TSNARE1: variants seen among roughly 807,000 people sequenced by gnomAD.
TSNARE1 encodes the protein t-SNARE domain containing 1.
TSNARE1 carries 49 observed loss-of-function variants against 62.0 expected under a neutral mutation model. That is an observed-to-expected ratio of 0.79 (90% CI 0.63 to 1.00). The LOEUF (loss-of-function observed/expected upper bound fraction) is 1.00. Ranked by LOEUF, TSNARE1 falls within the 50% of genes least tolerant of loss-of-function variation. The probability of loss-of-function intolerance (pLI) is 0.00; values close to 1 mark genes in which losing one functional copy is unlikely to be tolerated. For synonymous variants in TSNARE1, 328 were observed against 294.4 expected, an observed-to-expected ratio of 1.11 and a Z score of -1.17; for missense variants, 755 against 700.1, an observed-to-expected ratio of 1.08 and a Z score of -0.88.
chr8:142,348,959 A>G (rs1041075870), intron 2 of TSNARE1, among the ~76,000 whole-genome samples: 2 of 152,178 alleles, frequency 1.3e-5, no homozygotes, highest in African/African-American at 4.8e-5. Flanking sequence ...GACTGGGCAC[A>G]TGCAGCTGAC....
At chr8:142,351,547 T>C (rs1466575258) in intron 2 of TSNARE1, among the ~76,000 whole-genome samples, 1 of 152,038 alleles carries the variant, frequency 6.6e-6, no homozygotes, top group Non-Finnish European at 1.5e-5. Flanking sequence ...AGAAATCACT[T>C]CTCCCCACAC....
At chr8:142,375,817 C>A (rs1428929753) in intron 1 of TSNARE1, among the ~76,000 whole-genome samples, 2 of 152,200 alleles carry the variant, frequency 1.3e-5, no homozygotes, top group African/African-American at 2.4e-5. Flanking sequence ...TGCTCCCAGG[C>A]CTGGCTGGCT....
intron 1 of TSNARE1, among the ~76,000 whole-genome samples, chr8:142,390,302 C>T (rs1336540395): frequency 2.3e-3 from 313 of 135,320 alleles, no homozygotes; most frequent in Middle Eastern, 4.8e-3. Flanking sequence ...CGGGGGACTC[C>T]GTAACAGACG....
intron 10 of TSNARE1, among the ~76,000 whole-genome samples, chr8:142,288,370 T>C (rs1331755204): frequency 6.6e-6 from 1 of 152,228 alleles, no homozygotes; most frequent in Non-Finnish European, 1.5e-5. Context: ...GGACACGGTG[T>C]TCCCAAGACA....
intron 4 of TSNARE1, among the ~76,000 whole-genome samples, chr8:142,339,261 G>A (rs957922875): frequency 6.6e-6 from 1 of 152,164 alleles, no homozygotes; most frequent in Non-Finnish European, 1.5e-5. Context: ...AGCCCATGCC[G>A]AAGGAGCGAA....
At chr8:142,278,259 C>T in intron 11 of TSNARE1, 1 of 985,456 alleles carries the variant, frequency 1.0e-6, no homozygotes, top group South Asian at 4.7e-5. Flanking sequence ...CCCACTCTGC[C>T]CATGGGTCCC....
intron 2 of TSNARE1, among the ~76,000 whole-genome samples, chr8:142,350,380 A>T (rs184639944): frequency 1.7e-4 from 26 of 152,372 alleles, no homozygotes; most frequent in African/African-American, 6.3e-4. Flanking sequence ...TTCCAGAAAA[A>T]TGCAACTTAA....
intron 1 of TSNARE1, among the ~76,000 whole-genome samples, chr8:142,401,155 G>A (rs554975163): frequency 3.9e-5 from 6 of 152,212 alleles, no homozygotes; most frequent in African/African-American, 1.2e-4. Flanking sequence ...CTCCAGCATC[G>A]TGACCTAGCT....
intron 4 of TSNARE1, among the ~76,000 whole-genome samples, chr8:142,336,214 G>A (rs1343870165): frequency 2.0e-5 from 3 of 148,312 alleles, no homozygotes; most frequent in Non-Finnish European, 4.4e-5. Context: ...CTGGGAGATC[G>A]AGGCTGCAGT....
chr8:142,390,322 GCGGGGGA>G (rs1203233912), intron 1 of TSNARE1, among the ~76,000 whole-genome samples: 1 of 149,284 alleles, frequency 6.7e-6, no homozygotes, highest in Non-Finnish European at 1.5e-5. Context: ...GCTGTACACT[GCGGGGGA>G]CTCCGTAACA....
chr8:142,376,852 C>T (rs1836382922), intron 1 of TSNARE1, among the ~76,000 whole-genome samples: 1 of 152,240 alleles, frequency 6.6e-6, no homozygotes, highest in African/African-American at 2.4e-5. Context: ...GCCAGCCCTT[C>T]CTTGCCCTTC....
At position 142,349,136 on chromosome 8, in the gene TSNARE1, C is replaced by T. The variant is rs114848318; in HGVS notation, c.89-3244G>A. Among the ~76,000 whole-genome samples the T allele has an allele frequency of 6.1e-3, 922 of 152,294 alleles. 10 individuals carry two copies. The highest frequency in any genetic ancestry group is 0.021 in the African/African-American group (859 of 41,556). On this transcript the variant is annotated intron_variant, in intron 2 of 13. Coordinates refer to ENST00000524325, the MANE Select transcript of TSNARE1 (RefSeq NM_145003.5). ...CCATGCCCCAGAAGCAGCCCCAGCG[C>T]GACGATTTTCAACAAACCGGGACAA...
intron 12 of TSNARE1, 80 bp from the exon 13 acceptor site, chr8:142,229,659 T>TG: frequency 7.2e-7 from 1 of 1,381,924 alleles, no homozygotes; most frequent in Non-Finnish European, 1.0e-6. Flanking sequence ...TGTGCATACT[T>TG]TGGGCTGTGG....
At chr8:142,289,207 G>C (rs944109498) in intron 10 of TSNARE1, among the ~76,000 whole-genome samples, 2 of 152,242 alleles carry the variant, frequency 1.3e-5, no homozygotes, top group African/African-American at 2.4e-5. Flanking sequence ...GGGAGGCAAA[G>C]CCTGAACAGC....
At chr8:142,276,174 G>A (rs1455111258) in intron 11 of TSNARE1, 1 of 985,296 alleles carries the variant, frequency 1.0e-6, no homozygotes, top group African/African-American at 1.7e-5. Context: ...CCAGGCTCCT[G>A]CACAAGGAGC....
Position 142,284,420 on chromosome 8 carries a change from T to C in TSNARE1, c.1356A>G (p.Glu452=). The change falls in exon 11 of 14, where the codon GAA becomes GAG. Residue 452 remains glutamate (E), a synonymous_variant. Coordinates refer to ENST00000524325, the MANE Select transcript of TSNARE1 (RefSeq NM_145003.5). ...GCTGGGGCGGGTACCCACCAACAGC[T>C]TCTCCTTGCTCTGACACCATGGAGG... ...DLASMVSEQG[E]AVDSIEASLE... 1 of 1,613,240 alleles carries C rather than the reference T, an allele frequency of 6.2e-7. No individual in the cohort carries two copies. Among genetic ancestry groups the C allele is most frequent in the Non-Finnish European group, 8.5e-7 (1 of 1,179,836 alleles).
chr8:142,272,419 TCCACCTATCCAC>T (rs1166207158), intron 12 of TSNARE1, among the ~76,000 whole-genome samples: 3 of 73,782 alleles, frequency 4.1e-5, no homozygotes, highest in African/African-American at 8.2e-5. Flanking sequence ...CCTCCTTCCA[TCCACCTATCCAC>T]CCGCCTGTCT....
chr8:142,233,622 C>T (rs1163000289), intron 12 of TSNARE1, among the ~76,000 whole-genome samples: 1 of 152,178 alleles, frequency 6.6e-6, no homozygotes, highest in Non-Finnish European at 1.5e-5. Flanking sequence ...CCAGACCAGG[C>T]CCACAGACAC....
At chr8:142,317,396 G>A (rs13252334) in intron 7 of TSNARE1, among the ~76,000 whole-genome samples, 17,893 of 74,318 alleles carry the variant, frequency 0.24, 4,083 homozygotes, top group African/African-American at 0.44. Flanking sequence ...CACTGTACGC[G>A]TGAAGCGGGT....
Sources: gnomAD v4.1 joint callset for allele counts (sites outside exome capture counted in the v4.1 genomes callset) on GRCh38, gnomAD v4.1.1 for gene constraint, MANE v1.5 for transcripts, NCBI Gene and HGNC (gene_info 2026-07-23, HGNC 2026-07-21) for gene names.